Variants in GRHL2 observed in about 807,000 individuals in gnomAD.
The protein encoded by GRHL2 is grainyhead like transcription factor 2.
A neutral mutation model predicts 83.8 loss-of-function variants in GRHL2; 21 were observed. The observed-to-expected ratio is 0.25, with a 90% confidence interval of 0.18 to 0.36. The LOEUF (loss-of-function observed/expected upper bound fraction) is 0.36, where lower values mean the gene tolerates loss of function less well. GRHL2 is among the 10% of genes least tolerant of loss of function. The pLI is 1.00. For missense variants in GRHL2, 623 were observed against 781.8 expected (o/e 0.80, Z 2.42); for synonymous variants, 280 against 278.9 (o/e 1.00, Z -0.04).
chr8:101,529,528 G>T lies in GRHL2; in HGVS notation c.21-13713G>T, dbSNP rs188985968. 13 of 220,424 alleles carry T rather than the reference G, an allele frequency of 5.9e-5. No individual in the cohort carries two copies. The East Asian group carries it at 1.1e-3, about 18-fold the overall frequency. The allele number at this position is 220,424 out of a possible 1,614,324, so 13.7% of individuals were successfully genotyped here. On this transcript the variant is annotated intron_variant, in intron 1 of 15. Transcript: ENST00000646743. ...AGGAAGACATTCTTGCTTTAGTTCA[G>T]CAATCTTCCACTTATGGTGCACCAC...
At chr8:101,500,112 A>C (rs1477132425) in intron 1 of GRHL2, among the ~76,000 whole-genome samples, 1 of 152,054 alleles carries the variant, frequency 6.6e-6, no homozygotes, top group East Asian at 1.9e-4. Flanking sequence ...AGAAATAAAA[A>C]CAAACAAACA....
At chr8:101,513,173 A>G (rs537800174) in intron 1 of GRHL2, among the ~76,000 whole-genome samples, 1 of 152,056 alleles carries the variant, frequency 6.6e-6, no homozygotes, top group South Asian at 2.1e-4. Flanking sequence ...TTGTTGTTGT[A>G]GTAGTTGTTT....
chr8:101,525,149 G>T (rs1419503843), intron 1 of GRHL2, among the ~76,000 whole-genome samples: 1 of 152,084 alleles, frequency 6.6e-6, no homozygotes, highest in Non-Finnish European at 1.5e-5. Flanking sequence ...CATCATGTTG[G>T]TCAGGCTGGT....
chr8:101,612,893 A>T (rs1016976230), intron 8 of GRHL2, among the ~76,000 whole-genome samples: 7 of 151,026 alleles, frequency 4.6e-5, no homozygotes, highest in African/African-American at 1.7e-4. Context: ...ACAATTAAAC[A>T]CTAAACAAAT....
At chr8:101,599,944 T>G (rs1324803506) in intron 8 of GRHL2, among the ~76,000 whole-genome samples, 1 of 152,220 alleles carries the variant, frequency 6.6e-6, no homozygotes, top group Admixed American at 6.5e-5. Flanking sequence ...AGGTGCCAGA[T>G]GAAACCTAAG....
chr8:101,642,536 T>C (rs34941752), intron 12 of GRHL2, among the ~76,000 whole-genome samples: 18,853 of 152,164 alleles, frequency 0.12, 2,474 homozygotes, highest in African/African-American at 0.33. Flanking sequence ...ATGGTCACTT[T>C]AGTTCCAAGA....
intron 1 of GRHL2, among the ~76,000 whole-genome samples, chr8:101,510,588 T>C (rs930212400): frequency 1.3e-5 from 2 of 152,184 alleles, no homozygotes; most frequent in African/African-American, 4.8e-5. Flanking sequence ...TTTCTACAAG[T>C]AGAATTTCCT....
chr8:101,641,694 A>G (rs964593686), intron 12 of GRHL2, among the ~76,000 whole-genome samples: 5 of 152,162 alleles, frequency 3.3e-5, no homozygotes, highest in Non-Finnish European at 5.9e-5. Flanking sequence ...ACATTGTGCC[A>G]GGGAGATGGA....
At chr8:101,661,661 G>T (rs1813925501) in intron 14 of GRHL2, among the ~76,000 whole-genome samples, 1 of 152,116 alleles carries the variant, frequency 6.6e-6, no homozygotes, top group Non-Finnish European at 1.5e-5. Flanking sequence ...TTGAATCCAA[G>T]AATGCAGAAC....
chr8:101,511,206 T>A (rs1430748655), intron 1 of GRHL2, among the ~76,000 whole-genome samples: 6 of 152,200 alleles, frequency 3.9e-5, no homozygotes, highest in African/African-American at 1.4e-4. Context: ...AGTCACTTCA[T>A]TTTTTGGGTT....
At chr8:101,510,919 C>T (rs12679515) in intron 1 of GRHL2, among the ~76,000 whole-genome samples, 6 of 151,926 alleles carry the variant, frequency 3.9e-5, no homozygotes, top group African/African-American at 9.7e-5. Flanking sequence ...GCCAACATGG[C>T]GAAACCCCGT....
At chr8:101,576,412 G>T (rs1332308954) in intron 6 of GRHL2, among the ~76,000 whole-genome samples, 1 of 152,064 alleles carries the variant, frequency 6.6e-6, no homozygotes, top group Admixed American at 6.6e-5. Flanking sequence ...CAGACATAGG[G>T]TCTCACTATG....
At chr8:101,534,345 G>C (rs57632626) in intron 1 of GRHL2, among the ~76,000 whole-genome samples, 5 of 152,202 alleles carry the variant, frequency 3.3e-5, no homozygotes, top group Admixed American at 3.3e-4. Context: ...GCAGCCCTCA[G>C]TTCCTCACCG....
At chr8:101,558,370 A>T (rs1371639234) in intron 3 of GRHL2, 49 bp from the exon 4 acceptor site, 1 of 1,607,852 alleles carries the variant, frequency 6.2e-7, no homozygotes, top group South Asian at 1.1e-5. Flanking sequence ...GCGTTGCCGA[A>T]TGGTGATTTT....
downstream of GRHL2, among the ~76,000 whole-genome samples, chr8:101,674,376 G>A (rs1431737090): frequency 1.6e-4 from 24 of 152,134 alleles, 1 homozygote; most frequent in South Asian, 2.3e-3. Flanking sequence ...TAAAGGGGAT[G>A]TCACCACTGA....
intron 13 of GRHL2, among the ~76,000 whole-genome samples, chr8:101,649,199 T>C (rs1586170469): frequency 6.6e-6 from 1 of 152,220 alleles, no homozygotes; most frequent in South Asian, 2.1e-4. Flanking sequence ...TGTCGGTTTA[T>C]CTCATCTAAT....
At chr8:101,661,793 C>CT (rs1303310338) in intron 14 of GRHL2, among the ~76,000 whole-genome samples, 3 of 152,048 alleles carry the variant, frequency 2.0e-5, no homozygotes, top group Non-Finnish European at 2.9e-5. Flanking sequence ...GAGTGAAATA[C>CT]TTTTTTCCTG....
At chr8:101,652,178 C>T (rs1012378125) in intron 14 of GRHL2, among the ~76,000 whole-genome samples, 7 of 151,572 alleles carry the variant, frequency 4.6e-5, no homozygotes, top group Admixed American at 1.3e-4. Flanking sequence ...CAGGGCCTTA[C>T]TAGTGCACGA....
chr8:101,673,814 A>T (rs1267380071), downstream of GRHL2, among the ~76,000 whole-genome samples: 4 of 150,766 alleles, frequency 2.7e-5, no homozygotes, highest in Admixed American at 6.6e-5. Flanking sequence ...GAAGTAAAGC[A>T]CTCTTCAGCA....
Sources: allele counts gnomAD v4.1 joint callset (sites outside exome capture counted in the v4.1 genomes callset), GRCh38; gene constraint gnomAD v4.1.1; transcripts MANE v1.5; gene names NCBI Gene and HGNC (gene_info 2026-07-23, HGNC 2026-07-21).